Variants in VRK2 observed in about 807,000 individuals in gnomAD.
The protein encoded by VRK2 is VRK serine/threonine kinase 2.
In VRK2, 60 loss-of-function variants were observed where a neutral mutation model predicts 57.6. The ratio of observed to expected loss-of-function variants is 1.04; its 90% CI spans 0.85 to 1.29. VRK2 has a LOEUF of 1.29. Ranked by LOEUF, VRK2 falls within the 50% of genes most tolerant of loss-of-function variation. VRK2 has a pLI of 0.00. For missense variants in VRK2, 705 were observed against 588.1 expected (o/e 1.20, Z -2.06); for synonymous variants, 231 against 199.2 (o/e 1.16, Z -1.35).
rs780101397 is a variant in VRK2 at position 58,030,747 on chromosome 2, T to C, written c.-332-2480T>C. ...GTTGCTTGTGATTACAAGCAAGTAA[T>C]AGCATGGGGTTGAAAGTGATGCATA... is the stretch of plus-strand genomic sequence containing the variant. On this transcript the variant is annotated intron_variant, in intron 2 of 15. Coordinates refer to the VRK2 transcript ENST00000417641. Among the ~76,000 whole-genome samples the C allele has an allele frequency of 2.2e-4, 34 of 152,170 alleles. No individual in the cohort carries two copies. In the South Asian group the frequency reaches 5.0e-3, roughly 22 times the overall value.
intron 2 of VRK2, among the ~76,000 whole-genome samples, chr2:58,083,378 G>A (rs1215492667): frequency 2.0e-5 from 3 of 151,696 alleles, no homozygotes; most frequent in East Asian, 3.9e-4. Context: ...GTAATGTAGA[G>A]GAAAAGATTA....
At chr2:57,985,226 G>C (rs982633082) in intron 1 of VRK2, among the ~76,000 whole-genome samples, 32 of 152,036 alleles carry the variant, frequency 2.1e-4, no homozygotes, top group African/African-American at 7.5e-4. Flanking sequence ...AAAGTCTAAA[G>C]GTTAATGAAA....
chr2:57,952,461 T>C (rs1572899334), intron 1 of VRK2, among the ~76,000 whole-genome samples: 1 of 152,190 alleles, frequency 6.6e-6, no homozygotes, highest in African/African-American at 2.4e-5. Context: ...CGCTTCATTG[T>C]TATTTCTTCC....
chr2:58,092,360 C>G (rs1489511821), intron 7 of VRK2, among the ~76,000 whole-genome samples: 2 of 152,140 alleles, frequency 1.3e-5, no homozygotes, highest in African/African-American at 4.8e-5. Flanking sequence ...TAGTTCATTC[C>G]TTTTTATTGC....
chr2:58,120,190 T>C (rs1311048651), intron 7 of VRK2, among the ~76,000 whole-genome samples: 3 of 114,084 alleles, frequency 2.6e-5, no homozygotes, highest in Non-Finnish European at 1.7e-5. Flanking sequence ...TTTTCTTTTT[T>C]TTTTTTTTTT....
intron 2 of VRK2, among the ~76,000 whole-genome samples, chr2:58,065,090 A>G (rs1292761626): frequency 2.6e-5 from 4 of 151,998 alleles, no homozygotes; most frequent in Admixed American, 6.6e-5. Flanking sequence ...TTTTGCTTCT[A>G]TTTTATAACT....
intron 7 of VRK2, among the ~76,000 whole-genome samples, chr2:58,120,352 G>A (rs1202234985): frequency 2.6e-5 from 4 of 151,552 alleles, no homozygotes; most frequent in Non-Finnish European, 5.9e-5. Flanking sequence ...CACCATGCCT[G>A]GCTAATTTTT....
chr2:58,146,861 A>G (rs994487956), intron 12 of VRK2, among the ~76,000 whole-genome samples: 1 of 151,954 alleles, frequency 6.6e-6, no homozygotes, highest in Non-Finnish European at 1.5e-5. Flanking sequence ...GTATTTTAAA[A>G]TGATGTATTT....
chr2:58,158,325 G>A (rs1335457406), intron 12 of VRK2, among the ~76,000 whole-genome samples: 1 of 152,150 alleles, frequency 6.6e-6, no homozygotes, highest in African/African-American at 2.4e-5. Flanking sequence ...AGTTTAAAAT[G>A]AGTTATTTAA....
intron 1 of VRK2, among the ~76,000 whole-genome samples, chr2:57,917,574 C>T (rs1412349771): frequency 2.0e-5 from 3 of 149,646 alleles, no homozygotes; most frequent in Non-Finnish European, 4.4e-5. Flanking sequence ...TTCCTGCTTT[C>T]AACCAATTTA....
intron 2 of VRK2, among the ~76,000 whole-genome samples, chr2:58,074,978 A>G (rs771241028): frequency 1.3e-5 from 2 of 152,036 alleles, no homozygotes; most frequent in Non-Finnish European, 2.9e-5. Context: ...GGAGTTTGGT[A>G]TACGGATAAT....
At chr2:58,133,663 T>A (rs2104551850) in intron 9 of VRK2, among the ~76,000 whole-genome samples, 1 of 152,290 alleles carries the variant, frequency 6.6e-6, no homozygotes, top group East Asian at 1.9e-4. Flanking sequence ...TAGTTGAATG[T>A]TTTTATAGGT....
intron 1 of VRK2, among the ~76,000 whole-genome samples, chr2:58,009,777 T>TA (rs1253938306): frequency 6.6e-6 from 1 of 152,038 alleles, no homozygotes; most frequent in East Asian, 1.9e-4. Flanking sequence ...CCCATTTAGA[T>TA]ATGATTCTTC....
chr2:58,079,237 G>A (rs1670528823), intron 2 of VRK2, among the ~76,000 whole-genome samples: 1 of 152,000 alleles, frequency 6.6e-6, no homozygotes, highest in Non-Finnish European at 1.5e-5. Flanking sequence ...CATTATTAGT[G>A]ACATTAACTT....
chr2:58,083,906 C>T (rs1671251002), intron 2 of VRK2, among the ~76,000 whole-genome samples, 183 bp from the exon 3 acceptor site: 1 of 151,808 alleles, frequency 6.6e-6, no homozygotes, highest in Non-Finnish European at 1.5e-5. Flanking sequence ...TATTCAACGT[C>T]TCAAACTTCA....
At chr2:57,963,888 C>T (rs1006081611) in intron 1 of VRK2, among the ~76,000 whole-genome samples, 17 of 152,256 alleles carry the variant, frequency 1.1e-4, no homozygotes, top group African/African-American at 3.4e-4. Context: ...TGCAAATACA[C>T]CTGTTTGTTT....
At chr2:58,046,668 C>G (rs547297472), upstream of VRK2, 2 of 985,644 alleles carry the variant, frequency 2.0e-6, no homozygotes, top group South Asian at 9.4e-5. Flanking sequence ...AAGGAACCGG[C>G]TGCGGCCTGT....
At chr2:58,152,743 C>T (rs902048290) in intron 12 of VRK2, among the ~76,000 whole-genome samples, 2 of 151,392 alleles carry the variant, frequency 1.3e-5, no homozygotes, top group Admixed American at 6.6e-5. Context: ...ATTTTTTTAA[C>T]AGTTTATTTT....
At chr2:57,937,776 C>T (rs188321839) in intron 1 of VRK2, among the ~76,000 whole-genome samples, 2 of 151,416 alleles carry the variant, frequency 1.3e-5, no homozygotes, top group East Asian at 3.9e-4. Context: ...CAGCTCTTAA[C>T]AATCTCTTCT....
Sources: allele counts gnomAD v4.1 joint callset (sites outside exome capture counted in the v4.1 genomes callset), GRCh38; gene constraint gnomAD v4.1.1; transcripts MANE v1.5; gene names NCBI Gene and HGNC (gene_info 2026-07-23, HGNC 2026-07-21).